Variants in ECE1 observed in about 807,000 individuals in gnomAD.
ECE1 encodes endothelin-converting enzyme 1.
Under a neutral mutation model 98.6 loss-of-function variants are expected in ECE1, and 35 were observed. The ratio of observed to expected loss-of-function variants is 0.35; its 90% CI spans 0.27 to 0.47. The LOEUF (loss-of-function observed/expected upper bound fraction) is 0.47. Among genes scored for constraint, ECE1 ranks in the 20% least tolerant of loss-of-function variants. The pLI, the probability that ECE1 is intolerant of heterozygous loss-of-function variation, is 1.00. For missense variants in ECE1, 814 were observed against 1,025.3 expected (o/e 0.79, Z 2.81); for synonymous variants, 394 against 407.1 (o/e 0.97, Z 0.39).
At chr1:21,250,958 G>C (rs1016962852) in intron 8 of ECE1, among the ~76,000 whole-genome samples, 1 of 147,844 alleles carries the variant, frequency 6.8e-6, no homozygotes, top group African/African-American at 2.4e-5. Flanking sequence ...AGTGAGCGGG[G>C]ATCGCGCCAC....
intron 1 of ECE1, among the ~76,000 whole-genome samples, chr1:21,344,379 T>C (rs995421430): frequency 2.0e-5 from 3 of 152,140 alleles, no homozygotes; most frequent in Non-Finnish European, 4.4e-5. Context: ...CAGCCCTACA[T>C]GGTGACTTTG....
At chr1:21,324,821 T>C (rs902292598) in intron 1 of ECE1, among the ~76,000 whole-genome samples, 30 of 152,142 alleles carry the variant, frequency 2.0e-4, no homozygotes, top group African/African-American at 6.5e-4. Context: ...CAACCGAGTG[T>C]GTCACTGGGC....
At chr1:21,309,570 A>G (rs1459925014) in intron 1 of ECE1, among the ~76,000 whole-genome samples, 1 of 152,174 alleles carries the variant, frequency 6.6e-6, no homozygotes, top group African/African-American at 2.4e-5. Context: ...CTGCCCGGAC[A>G]TCAGCACCTG....
chr1:21,220,050 T>A lies in ECE1; in HGVS notation c.2218A>T (p.Ile740Phe). Residue 740 changes from isoleucine to phenylalanine, a missense_variant, in exon 19 of 19, where the codon ATC becomes TTC. By Grantham distance (21) the Ile-to-Phe change is conservative. Around this residue, in one of 3 missense-constraint regions of ECE1, gnomAD observed 452 missense variants for 567.3 expected, o/e 0.80. Coordinates refer to ENST00000374893, the MANE Select transcript of ECE1 (RefSeq NM_001397.3). This position sits in a 1 kb window ranked among gnomAD's most constrained non-coding sequence, Gnocchi z 5.0. ...DPHSPSRFRV[I>F]GSLSNSKEFS... ...TCCTTGGAATTGGAGAGGGAGCCGA[T>A]GACCCGGAAGCGAGAGGGGCTGTGG... 1 of 1,614,240 alleles carries A rather than the reference T, an allele frequency of 6.2e-7. No homozygotes were observed. Among genetic ancestry groups the A allele is most frequent in the Non-Finnish European group, 8.5e-7 (1 of 1,180,038 alleles).
In ECE1 at chr1:21,221,838, T is replaced by A; in HGVS notation, c.2045A>T (p.Tyr682Phe). The A allele has an allele frequency of 6.2e-7, 1 of 1,614,114 alleles. No homozygotes were observed. Among genetic ancestry groups the A allele is most frequent in the Non-Finnish European group, 8.5e-7 (1 of 1,179,984 alleles). The change falls in exon 18 of 19, where the codon TAC becomes TTC. Residue 682 changes from tyrosine to phenylalanine, a missense_variant. Physicochemically the swap from Tyr to Phe is conservative, Grantham distance 22. Transcript: ENST00000374893. ...NGGLKAAYRA[Y>F]QNWVKKNGAE... ...CCCGTTCTTCTTCACCCAGTTCTGG[T>A]AAGCCTGGGAGGAGAGAAAACCAAA...
In ECE1 at chr1:21,345,235, A is replaced by G; in HGVS notation, c.3+141T>C. Reference sequence around the variant, plus strand: ...GCGCTCCCCGACTCCACGCCTTCCGAGAGCCGGGCGGGGGCTGCTGCTGCA... The same window carrying G: ...GCGCTCCCCGACTCCACGCCTTCCGGGAGCCGGGCGGGGGCTGCTGCTGCA... On this transcript the variant is annotated intron_variant, in intron 1 of 18. Coordinates refer to the ECE1 transcript ENST00000415912. The surrounding 1 kb of genome is among the most constrained non-coding windows in gnomAD (Gnocchi z 5.1). 8.9e-7 allele frequency: 1 copy of G among 1,117,502 alleles called. No homozygotes were observed. Among genetic ancestry groups the G allele is most frequent in the Non-Finnish European group, 1.1e-6 (1 of 904,358 alleles). The allele number at this position is 1,117,502 out of a possible 1,614,324, so 69.2% of individuals were successfully genotyped here.
chr1:21,261,694 GACC>G (rs1488633883), intron 4 of ECE1, among the ~76,000 whole-genome samples: 2 of 152,174 alleles, frequency 1.3e-5, no homozygotes, highest in African/African-American at 4.8e-5. Flanking sequence ...TCAAAGAAAT[GACC>G]ACAAGACACG....
chr1:21,233,474 G>GGGT lies in ECE1; in HGVS notation c.1670+81_1670+83dup. The GGGT allele has an allele frequency of 8.3e-7, 1 of 1,198,814 alleles. No individual in the cohort carries two copies. The highest frequency in any genetic ancestry group is 1.2e-6 in the Non-Finnish European group (1 of 813,664). The allele number at this position is 1,198,814 out of a possible 1,614,324, so 74.3% of individuals were successfully genotyped here. On this transcript the variant is annotated intron_variant, in intron 14 of 18. Transcript: ENST00000374893. The surrounding 1 kb of genome is among the most constrained non-coding windows in gnomAD (Gnocchi z 4.0). ...TGATAGCTGATCGGGTGCACAGTGA[G>GGGT]GGTGCAATGAAGGCCAGTTCGTCCC...
chr1:21,261,974 G>C (rs973163513), intron 4 of ECE1, among the ~76,000 whole-genome samples: 3 of 152,200 alleles, frequency 2.0e-5, no homozygotes, highest in African/African-American at 7.2e-5. Context: ...TTGGAGCAAA[G>C]GACATGAGTC....
In ECE1 at chr1:21,272,739, G is replaced by A. The variant is rs757224837; in HGVS notation, c.453C>T (p.Asn151=). The change falls in exon 4 of 19, where the codon AAC becomes AAT. Residue 151 remains asparagine (N), a synonymous_variant. Coordinates refer to ENST00000374893, the MANE Select transcript of ECE1 (RefSeq NM_001397.3). ...TGATTGCTTGGTTGTGTTCCCAGAG[G>A]TTGCTGAAGGTCCCCCAGCGTGAGT... ...DGHSRWGTFS[N]LWEHNQAIIK... 3 of 1,614,150 alleles carry A rather than the reference G, an allele frequency of 1.9e-6. No individual in the cohort carries two copies. Among genetic ancestry groups the A allele is most frequent in the Non-Finnish European group, 2.5e-6 (3 of 1,180,062 alleles).
At chr1:21,291,325 G>C (rs535323320), upstream of ECE1, among the ~76,000 whole-genome samples, 1 of 152,230 alleles carries the variant, frequency 6.6e-6, no homozygotes, top group African/African-American at 2.4e-5. Flanking sequence ...GCATTTATGC[G>C]TACTTTTCAG....
intron 1 of ECE1, among the ~76,000 whole-genome samples, chr1:21,342,660 C>T (rs956467143): frequency 1.1e-4 from 17 of 151,750 alleles, no homozygotes; most frequent in Admixed American, 3.9e-4. Flanking sequence ...CCTGCAAACG[C>T]GCCGCATTAG....
Position 21,290,064 on chromosome 1 carries a change from G to T in ECE1, c.138+6C>A. 6.8e-7 allele frequency: 1 copy of T among 1,478,602 alleles called. No homozygotes were observed. The highest frequency in any genetic ancestry group is 9.0e-7 in the Non-Finnish European group (1 of 1,107,208). 91.6% of individuals were successfully genotyped at this position (1,478,602 alleles called of 1,614,324 possible). On this transcript the variant is annotated splice_donor_region_variant and intron_variant, in intron 2 of 18. Coordinates refer to ENST00000374893, the MANE Select transcript of ECE1 (RefSeq NM_001397.3). The surrounding 1 kb of genome is among the most constrained non-coding windows in gnomAD (Gnocchi z 7.3). ...TGGACCTCGGGAGGGAGCGGAGGGCGCCTACCTGCAGGCCGTTGGGGTATG... is the reference window on the plus strand; with the variant it reads ...TGGACCTCGGGAGGGAGCGGAGGGCTCCTACCTGCAGGCCGTTGGGGTATG...
rs2098223470 is a variant in ECE1, at chr1:21,258,972, GA to G, written c.616-134del. The G allele has an allele frequency of 7.8e-7, 1 of 1,287,422 alleles. No homozygotes were observed. The highest frequency in any genetic ancestry group is 1.5e-5 in the African/African-American group (1 of 67,746). The allele number at this position is 1,287,422 out of a possible 1,614,324, so 79.7% of individuals were successfully genotyped here. A position where few individuals can be genotyped will look rare whatever the true frequency, so the allele number is the denominator to read the frequency against. ...ACCTCTCTGAGCCTCAAGAGCAAAG[GA>G]AAGGATTGGTCTTCATCGGGGGTTT... is the stretch of plus-strand genomic sequence containing the variant. On this transcript the variant is annotated intron_variant, in intron 5 of 18. Coordinates refer to ENST00000374893, the MANE Select transcript of ECE1 (RefSeq NM_001397.3). This position sits in a 1 kb window ranked among gnomAD's most constrained non-coding sequence, Gnocchi z 4.2.
At chr1:21,242,677 T>C (rs750817827) in intron 10 of ECE1, among the ~76,000 whole-genome samples, 3 of 152,218 alleles carry the variant, frequency 2.0e-5, no homozygotes, top group Admixed American at 1.3e-4. Context: ...CTTGCCTCTC[T>C]TGAGGCCTCC....
Position 21,315,605 on chromosome 1 carries a change from C to T in ECE1, c.4-25449G>A, listed in dbSNP as rs200081845. 7.2e-5 allele frequency among the ~76,000 whole-genome samples: 11 copies of T among 152,094 alleles called. No individual in the cohort carries two copies. The East Asian group carries it at 1.9e-3, about 27-fold the overall frequency. On this transcript the variant is annotated intron_variant, in intron 1 of 18. Transcript: ENST00000415912. ...GGTCAGGAGTTTGAGACCAGCCTGGCCAACATGGTGAAACTCCATCTCTAC... is the reference window on the plus strand; with the variant it reads ...GGTCAGGAGTTTGAGACCAGCCTGGTCAACATGGTGAAACTCCATCTCTAC...
At chr1:21,243,301 TGA>T (rs1472191602) in intron 10 of ECE1, among the ~76,000 whole-genome samples, 1 of 152,082 alleles carries the variant, frequency 6.6e-6, no homozygotes, top group Non-Finnish European at 1.5e-5. Context: ...ATTATGTAAG[TGA>T]GTAGCTGAAA....
intron 1 of ECE1, among the ~76,000 whole-genome samples, chr1:21,331,900 CT>C (rs1639207459): frequency 6.6e-6 from 1 of 152,142 alleles, no homozygotes; most frequent in Non-Finnish European, 1.5e-5. Flanking sequence ...GAATAAAGCC[CT>C]AATGCAGACA....
rs919953826 is a variant in ECE1, at chr1:21,219,876, A to G, written c.*79T>C. ...GGGCCCCGGGTGGCCAAGCGGGCTG[A>G]GCAATGCCCTGGAGGCTGGATGGGG... On this transcript the variant is annotated 3_prime_UTR_variant, in exon 19 of 19. Transcript: ENST00000374893. This position sits in a 1 kb window ranked among gnomAD's most constrained non-coding sequence, Gnocchi z 4.5. 6.3e-7 allele frequency: 1 copy of G among 1,588,116 alleles called. No homozygotes were observed. Among genetic ancestry groups the G allele is most frequent in the South Asian group, 1.1e-5 (1 of 88,918 alleles).
Sources: allele counts gnomAD v4.1 joint callset (sites outside exome capture counted in the v4.1 genomes callset), GRCh38; gene constraint gnomAD v4.1.1; regional missense constraint gnomAD v4.1.1; non-coding constraint Gnocchi (gnomAD v3.1); transcripts MANE v1.5; gene names NCBI Gene and HGNC (gene_info 2026-07-23, HGNC 2026-07-21).